Variants in TMEM39B observed in about 807,000 individuals in gnomAD.
The protein encoded by TMEM39B is transmembrane protein 39B.
In TMEM39B, 23 loss-of-function variants were observed where a neutral mutation model predicts 52.2. The observed-to-expected ratio is 0.44, with a 90% CI of 0.32 to 0.62. The LOEUF is 0.62. Ranked by LOEUF, TMEM39B falls within the 20% of genes least tolerant of loss-of-function variation. TMEM39B has a pLI of 0.06. For synonymous variants in TMEM39B, 285 were observed against 264.0 expected, an observed-to-expected ratio of 1.08 and a Z score of -0.77; for missense variants, 547 against 642.0, an observed-to-expected ratio of 0.85 and a Z score of 1.60.
chr1:32,080,560 G>A (rs553590877), intron 5 of TMEM39B, among the ~76,000 whole-genome samples: 90 of 151,702 alleles, frequency 5.9e-4, no homozygotes, highest in Middle Eastern at 3.4e-3. Context: ...CCAGCTACTC[G>A]GGAGGCTGAG....
At chr1:32,077,068 C>A (rs1639893805) in intron 4 of TMEM39B, 96 bp from the exon 5 acceptor site, 4 of 1,540,254 alleles carry the variant, frequency 2.6e-6, no homozygotes, top group Non-Finnish European at 3.5e-6. Flanking sequence ...CCACCTCTCC[C>A]TGGGTGGGAT....
intron 1 of TMEM39B, 61 bp downstream of exon 1, chr1:32,073,112 GGCT>G (rs1230856581): frequency 7.2e-7 from 1 of 1,392,588 alleles, no homozygotes. Context: ...AGGATGGCCA[GGCT>G]GCTAATTGCT....
chr1:32,073,922 A>G (rs1639746311), intron 1 of TMEM39B: 1 of 978,124 alleles, frequency 1.0e-6, no homozygotes, highest in African/African-American at 1.7e-5. Context: ...ATGTATATAT[A>G]TTTTTTAATA....
intron 4 of TMEM39B, 92 bp from the exon 5 acceptor site, chr1:32,077,072 G>A: frequency 1.3e-6 from 2 of 1,549,692 alleles, no homozygotes; most frequent in South Asian, 1.2e-5. Flanking sequence ...CTCTCCCTGG[G>A]TGGGATCACA....
intron 6 of TMEM39B, among the ~76,000 whole-genome samples, chr1:32,094,250 C>T (rs182753195): frequency 8.5e-4 from 127 of 150,036 alleles, no homozygotes; most frequent in African/African-American, 3.0e-3. Flanking sequence ...CCTCAGCCTC[C>T]TGAGTAGCTG....
At position 32,076,747 on chromosome 1, in the gene TMEM39B, C is replaced by T. The variant is rs1639878263; in HGVS notation, c.352-16C>T. The T allele has an allele frequency of 6.2e-7, 1 of 1,614,032 alleles. No individual in the cohort carries two copies. On this transcript the variant is annotated splice_polypyrimidine_tract_variant and intron_variant, in intron 3 of 8. Coordinates refer to ENST00000336294, the MANE Select transcript of TMEM39B (RefSeq NM_018056.4). ...CAAGGGGCCCACATGACCCCCAGGC[C>T]TCTGCCCCCTGACAGAACTTCCATC...
At chr1:32,099,412 C>T (rs1474688427) in intron 7 of TMEM39B, among the ~76,000 whole-genome samples, 1 of 152,004 alleles carries the variant, frequency 6.6e-6, no homozygotes, top group African/African-American at 2.4e-5. Context: ...CACATGTATA[C>T]ATATGTAACA....
rs1265403730 is a variant in TMEM39B at position 32,098,738 on chromosome 1, C to CA, written c.1116-1693dup. ...TAGGCGAAAGAGCGAGACTCTGTCT[C>CA]AAAAAAAAAAAGAAAGCTCACCGGT... On this transcript the variant is annotated intron_variant, in intron 7 of 8. Transcript: ENST00000336294. Among the ~76,000 whole-genome samples the CA allele has an allele frequency of 3.6e-3, 510 of 143,138 alleles. 2 individuals are homozygous for CA. The highest frequency in any genetic ancestry group is 0.012 in the African/African-American group (458 of 39,248). 93.9% of individuals were successfully genotyped at this position (143,138 alleles called of 152,430 possible).
At chr1:32,073,232 GC>G in intron 1 of TMEM39B, 181 bp downstream of exon 1, 4 of 741,432 alleles carry the variant, frequency 5.4e-6, no homozygotes, top group South Asian at 5.7e-5. Context: ...TGTTGTGGGG[GC>G]GGGACATTGG....
chr1:32,077,096 G>A, intron 4 of TMEM39B, 68 bp from the exon 5 acceptor site: 1 of 1,588,712 alleles, frequency 6.3e-7, no homozygotes. Context: ...CATGCTGGGT[G>A]GGATTTGGGC....
At chr1:32,100,593 G>A (rs1211152678) in intron 8 of TMEM39B, 31 bp downstream of exon 8, 2 of 1,613,822 alleles carry the variant, frequency 1.2e-6, no homozygotes, top group African/African-American at 2.7e-5. Flanking sequence ...AGGAGGGTTG[G>A]GGCCTGAGAG....
At chr1:32,082,941 G>GTTTTTT (rs1250678680) in intron 5 of TMEM39B, among the ~76,000 whole-genome samples, 6 of 149,866 alleles carry the variant, frequency 4.0e-5, no homozygotes, top group Non-Finnish European at 7.4e-5. Flanking sequence ...CGCCTGGCTA[G>GTTTTTT]TTTTTTGTAT....
At position 32,073,468 on chromosome 1, in the gene TMEM39B, C is replaced by G. The variant is rs1639727091; in HGVS notation, c.4+417C>G. On this transcript the variant is annotated intron_variant, in intron 1 of 8. Coordinates refer to ENST00000336294, the MANE Select transcript of TMEM39B (RefSeq NM_018056.4). ...AGACTTCCGACTGAGGGAGCCCATT[C>G]TGGAGTGGGGCTTCTGGGCTGAGAG... is the stretch of plus-strand genomic sequence containing the variant. 10 of 895,400 alleles carry G rather than the reference C, an allele frequency of 1.1e-5. No homozygotes were observed. The South Asian group carries it at 3.4e-4, about 31-fold the overall frequency. The allele number at this position is 895,400 out of a possible 1,614,324, so 55.5% of individuals were successfully genotyped here.
Position 32,076,805 on chromosome 1 carries a change from A to G in TMEM39B, c.394A>G (p.Ile132Val), listed in dbSNP as rs912694006. The G allele has an allele frequency of 1.2e-5, 19 of 1,613,966 alleles. No individual in the cohort carries two copies. The Middle Eastern group carries it at 8.2e-4, about 70-fold the overall frequency. Reference sequence around the variant, plus strand: ...CTTCAACTTGCTGATGGTGACCACCATCGTTCTGGGCCGCCGCTTCATTGG... The same window carrying G: ...CTTCAACTTGCTGATGGTGACCACCGTCGTTCTGGGCCGCCGCTTCATTGG... The part of the protein sequence containing the change: ...IDFNLLMVTT[I>V]VLGRRFIGSI... Residue 132 changes from isoleucine (I) to valine (V), a missense_variant, in exon 4 of 9, where the codon ATC becomes GTC. Transcript: ENST00000336294.
chr1:32,101,814 C>T (rs1272323250), intron 8 of TMEM39B, among the ~76,000 whole-genome samples: 2 of 152,180 alleles, frequency 1.3e-5, no homozygotes, highest in African/African-American at 2.4e-5. Flanking sequence ...TCCCTAGACA[C>T]TGTGCACTCT....
At chr1:32,085,903 GTTTC>G (rs1362073779) in intron 5 of TMEM39B, among the ~76,000 whole-genome samples, 1 of 152,050 alleles carries the variant, frequency 6.6e-6, no homozygotes, top group Admixed American at 6.6e-5. Context: ...CAGGAGTGCA[GTTTC>G]TTTCTCTCTG....
chr1:32,101,501 T>C (rs969582893), intron 8 of TMEM39B, among the ~76,000 whole-genome samples: 1 of 151,934 alleles, frequency 6.6e-6, no homozygotes, highest in African/African-American at 2.4e-5. Context: ...CTGCTCTGTT[T>C]GGAGGAGTTA....
intron 5 of TMEM39B, among the ~76,000 whole-genome samples, chr1:32,078,954 T>C (rs960547895): frequency 6.6e-6 from 1 of 152,048 alleles, no homozygotes; most frequent in Non-Finnish European, 1.5e-5. Flanking sequence ...TGCAGTTTTT[T>C]AAAAAAGAAA....
intron 5 of TMEM39B, among the ~76,000 whole-genome samples, chr1:32,078,149 C>T (rs894876902): frequency 1.3e-5 from 2 of 152,132 alleles, no homozygotes; most frequent in Non-Finnish European, 2.9e-5. Context: ...GGCATGGGAG[C>T]CCTGTCACAC....
Sources: allele counts gnomAD v4.1 joint callset (sites outside exome capture counted in the v4.1 genomes callset), GRCh38; gene constraint gnomAD v4.1.1; transcripts MANE v1.5; gene names NCBI Gene and HGNC (gene_info 2026-07-23, HGNC 2026-07-21).